The following ANXA4 variants were observed in gnomAD, a reference collection of about 807,000 sequenced individuals.
ANXA4 encodes 35-beta calcimedin.
ANXA4 carries 39 observed loss-of-function variants against 49.8 expected under a neutral mutation model. The ratio of observed to expected loss-of-function variants is 0.78; its 90% CI spans 0.61 to 1.02. The LOEUF (loss-of-function observed/expected upper bound fraction) is 1.02. Ranked by LOEUF, ANXA4 falls within the 50% of genes least tolerant of loss-of-function variation. The pLI, the probability that ANXA4 is intolerant of heterozygous loss-of-function variation, is 0.00. For missense variants in ANXA4, 360 were observed against 410.1 expected, an observed-to-expected ratio of 0.88 and a Z score of 1.05; for synonymous variants, 134 against 152.5, an observed-to-expected ratio of 0.88 and a Z score of 0.89.
chr2:69,684,224 A>T (rs1299412015), intron 2 of ANXA4, among the ~76,000 whole-genome samples: 1 of 152,178 alleles, frequency 6.6e-6, no homozygotes, highest in African/African-American at 2.4e-5. Flanking sequence ...GCTTGTTGCA[A>T]ATTCAAACAA....
At chr2:69,665,938 C>G (rs572568479) in intron 2 of ANXA4, among the ~76,000 whole-genome samples, 1 of 152,328 alleles carries the variant, frequency 6.6e-6, no homozygotes, top group Non-Finnish European at 1.5e-5. Context: ...GGCATGGTGG[C>G]TCACACCTAT....
At chr2:69,741,456 G>A (rs920038547), upstream of ANXA4, among the ~76,000 whole-genome samples, 1 of 152,224 alleles carries the variant, frequency 6.6e-6, no homozygotes, top group Non-Finnish European at 1.5e-5. Context: ...GTCACTCACA[G>A]GAGTACAAAG....
At chr2:69,780,222 TCTCA>T (rs1672139123) in intron 1 of ANXA4, among the ~76,000 whole-genome samples, 1 of 152,118 alleles carries the variant, frequency 6.6e-6, no homozygotes, top group Non-Finnish European at 1.5e-5. Flanking sequence ...TGAGACAGTG[TCTCA>T]CTCTGTCACC....
chr2:69,815,014 C>T (rs954968928), intron 8 of ANXA4: 2 of 152,294 alleles, frequency 1.3e-5, no homozygotes, highest in Non-Finnish European at 2.9e-5. Flanking sequence ...TGTCCTAGCT[C>T]AAGGCAGTCA....
chr2:69,729,848 ATGGCTTC>A (rs1158549238), intron 3 of ANXA4, among the ~76,000 whole-genome samples: 3 of 152,244 alleles, frequency 2.0e-5, no homozygotes, highest in African/African-American at 7.2e-5. Context: ...ATAATTCTCC[ATGGCTTC>A]TGTGTTTCTG....
intron 12 of ANXA4, among the ~76,000 whole-genome samples, chr2:69,822,909 T>C (rs185931877): frequency 1.3e-5 from 2 of 151,868 alleles, no homozygotes; most frequent in East Asian, 1.9e-4. Flanking sequence ...TGACAAATTA[T>C]ATATATATAT....
intron 3 of ANXA4, among the ~76,000 whole-genome samples, chr2:69,790,549 AGTTT>A (rs1214933071): frequency 6.6e-6 from 1 of 152,116 alleles, no homozygotes; most frequent in African/African-American, 2.4e-5. Context: ...ATGACAACAG[AGTTT>A]GTTTGATACC....
At chr2:69,745,789 C>T (rs1300155663) in intron 1 of ANXA4, among the ~76,000 whole-genome samples, 1 of 152,062 alleles carries the variant, frequency 6.6e-6, no homozygotes, top group Non-Finnish European at 1.5e-5. Flanking sequence ...CATCAGCCTC[C>T]CAAAGTTCTG....
intron 2 of ANXA4, among the ~76,000 whole-genome samples, chr2:69,704,744 A>G (rs1678437090): frequency 6.6e-6 from 1 of 152,196 alleles, no homozygotes; most frequent in South Asian, 2.1e-4. Flanking sequence ...AAAGAAAGTC[A>G]CATGGTTGAG....
chr2:69,758,910 A>G (rs1431563857), intron 1 of ANXA4, among the ~76,000 whole-genome samples: 1 of 152,172 alleles, frequency 6.6e-6, no homozygotes, highest in Non-Finnish European at 1.5e-5. Context: ...AGCCTCGCAG[A>G]TCACCTGAAG....
rs890975561 is a variant in ANXA4 at position 69,807,934 on chromosome 2, T to C, written c.335T>C (p.Ile112Thr). ...KGAGTDEGCL[I>T]EILASRTPEE... is the part of the protein sequence containing the mutation. ...GCCGGCACTGATGAGGGCTGCCTAATTGAGATCCTGGCCTCCCGGACCCCT... is the reference window on the plus strand; with the variant it reads ...GCCGGCACTGATGAGGGCTGCCTAACTGAGATCCTGGCCTCCCGGACCCCT... Residue 112 changes from isoleucine to threonine, a missense_variant, in exon 6 of 13, where the codon ATT becomes ACT. Ile to Thr is a moderately conservative substitution (Grantham distance 89). Transcript: ENST00000394295. 6 of 1,614,144 alleles carry C rather than the reference T, an allele frequency of 3.7e-6. No individual in the cohort carries two copies. The Admixed American group carries it at 6.7e-5, about 18-fold the overall frequency.
chr2:69,741,126 A>C (rs1173431948), upstream of ANXA4, among the ~76,000 whole-genome samples: 1 of 152,242 alleles, frequency 6.6e-6, no homozygotes, highest in Non-Finnish European at 1.5e-5. Context: ...GAAATAATTT[A>C]ATGTTACCTC....
intron 2 of ANXA4, chr2:69,713,730 T>A (rs527964088): frequency 6.6e-6 from 1 of 152,458 alleles, no homozygotes; most frequent in East Asian, 1.9e-4. Flanking sequence ...CTTCCATTGC[T>A]TCTGCTGCTG....
At chr2:69,649,643 G>A (rs913315551) in intron 1 of ANXA4, among the ~76,000 whole-genome samples, 5 of 108,790 alleles carry the variant, frequency 4.6e-5, no homozygotes, top group Admixed American at 1.3e-4. Context: ...ACAGTGTCTC[G>A]CCCTACCGCC....
chr2:69,807,145 C>T (rs1003006077), intron 5 of ANXA4, among the ~76,000 whole-genome samples: 1 of 152,214 alleles, frequency 6.6e-6, no homozygotes, highest in East Asian at 1.9e-4. Flanking sequence ...AAGTTCTTTT[C>T]CAAAAAGTTA....
At chr2:69,693,764 A>C (rs868092660) in intron 2 of ANXA4, among the ~76,000 whole-genome samples, 1 of 152,204 alleles carries the variant, frequency 6.6e-6, no homozygotes, top group Non-Finnish European at 1.5e-5. Context: ...AACAAGGGGC[A>C]GTAGCTATGG....
chr2:69,657,464 A>G (rs977328100), intron 2 of ANXA4, among the ~76,000 whole-genome samples: 1 of 149,936 alleles, frequency 6.7e-6, no homozygotes, highest in East Asian at 1.9e-4. Flanking sequence ...AATGGAGACT[A>G]AATACCACAT....
intron 1 of ANXA4, among the ~76,000 whole-genome samples, chr2:69,742,568 A>C (rs1670441435): frequency 6.6e-6 from 1 of 152,138 alleles, no homozygotes; most frequent in South Asian, 2.1e-4. Context: ...TTTACTTTTT[A>C]ATTCTTTACT....
chr2:69,702,624 G>A (rs2105391965), intron 2 of ANXA4, among the ~76,000 whole-genome samples: 1 of 152,250 alleles, frequency 6.6e-6, no homozygotes, highest in Non-Finnish European at 1.5e-5. Context: ...TGAGGAGGGA[G>A]AATCACTTGA....
Sources: allele counts gnomAD v4.1 joint callset (sites outside exome capture counted in the v4.1 genomes callset), GRCh38; gene constraint gnomAD v4.1.1; transcripts MANE v1.5; gene names NCBI Gene and HGNC (gene_info 2026-07-23, HGNC 2026-07-21).